SPPL3: variants seen among roughly 807,000 people sequenced by gnomAD.
SPPL3 encodes signal peptide peptidase like 3.
Under a neutral mutation model 42.4 loss-of-function variants are expected in SPPL3, and 5 were observed. The observed-to-expected ratio is 0.12, with a 90% CI of 0.06 to 0.25. The LOEUF is 0.25. Among genes scored for constraint, SPPL3 ranks in the 10% least tolerant of loss-of-function variants. The pLI, the probability that SPPL3 is intolerant of heterozygous loss-of-function variation, is 1.00. For missense variants in SPPL3, 235 were observed against 489.0 expected (o/e 0.48, Z 4.90); for synonymous variants, 195 against 181.8 (o/e 1.07, Z -0.58).
intron 1 of SPPL3, among the ~76,000 whole-genome samples, chr12:120,836,743 G>T (rs1256612181): frequency 6.6e-6 from 1 of 152,230 alleles, no homozygotes; most frequent in Non-Finnish European, 1.5e-5. Flanking sequence ...TACTTTCAGT[G>T]TTAGTTCCAT....
At chr12:120,858,024 A>T (rs1179557285) in intron 1 of SPPL3, among the ~76,000 whole-genome samples, 1 of 152,176 alleles carries the variant, frequency 6.6e-6, no homozygotes, top group Non-Finnish European at 1.5e-5. Context: ...ACAACAGGAA[A>T]GCACTGTGGT....
At position 120,768,506 on chromosome 12, in the gene SPPL3, T is replaced by C. The variant is rs773572979; in HGVS notation, c.610-18A>G. ...AAAAATACCTGCCGAGTTGGAGAGA[T>C]GCCTTTAACAGAGGGAGTTGGAAGC... On this transcript the variant is annotated intron_variant, in intron 7 of 10. Coordinates refer to ENST00000353487, the MANE Select transcript of SPPL3 (RefSeq NM_139015.5). 8 of 1,601,790 alleles carry C rather than the reference T, an allele frequency of 5.0e-6. No homozygotes were observed. The highest frequency in any genetic ancestry group is 1.7e-5 in the Admixed American group (1 of 59,272).
At chr12:120,859,669 G>C (rs1683216623) in intron 1 of SPPL3, among the ~76,000 whole-genome samples, 2 of 152,162 alleles carry the variant, frequency 1.3e-5, no homozygotes, top group Non-Finnish European at 2.9e-5. Context: ...AAAAAGTCTA[G>C]CTGGGGCCGG....
intron 9 of SPPL3, among the ~76,000 whole-genome samples, chr12:120,766,937 C>G (rs1418747181): frequency 6.6e-6 from 1 of 152,204 alleles, no homozygotes; most frequent in African/African-American, 2.4e-5. Context: ...CATGTGCGGG[C>G]AGGTTACTGC....
At chr12:120,859,306 G>T (rs767554884) in intron 1 of SPPL3, among the ~76,000 whole-genome samples, 2 of 152,062 alleles carry the variant, frequency 1.3e-5, no homozygotes, top group African/African-American at 4.8e-5. Context: ...AAAAAGTTCT[G>T]CATTTTGGAT....
intron 8 of SPPL3, 56 bp downstream of exon 8, chr12:120,768,269 C>A: frequency 1.9e-6 from 3 of 1,558,042 alleles, no homozygotes; most frequent in Non-Finnish European, 2.6e-6. Context: ...TGATCAAGGC[C>A]GGGAACAGAT....
At chr12:120,771,891 T>C in intron 6 of SPPL3, among the ~76,000 whole-genome samples, 1 of 152,232 alleles carries the variant, frequency 6.6e-6, no homozygotes, top group East Asian at 1.9e-4. Flanking sequence ...ACATACTGTG[T>C]TCTTTTCACG....
chr12:120,764,903 A>G lies in SPPL3; in HGVS notation c.*96T>C, dbSNP rs1868822772. ...ACACGGCAGTTCCTTAAACACAGGTACATTTCTGAGTACCAGGCCAGCTCT... is the reference window on the plus strand; with the variant it reads ...ACACGGCAGTTCCTTAAACACAGGTGCATTTCTGAGTACCAGGCCAGCTCT... On this transcript the variant is annotated 3_prime_UTR_variant, in exon 11 of 11. Coordinates refer to ENST00000353487, the MANE Select transcript of SPPL3 (RefSeq NM_139015.5). The G allele has an allele frequency of 1.5e-6, 2 of 1,343,928 alleles. No individual in the cohort carries two copies. The highest frequency in any genetic ancestry group is 2.1e-6 in the Non-Finnish European group (2 of 971,970). 83.3% of individuals were successfully genotyped at this position (1,343,928 alleles called of 1,614,324 possible).
chr12:120,807,458 G>A (rs192649996), intron 2 of SPPL3, among the ~76,000 whole-genome samples: 24 of 152,106 alleles, frequency 1.6e-4, no homozygotes, highest in African/African-American at 3.6e-4. Context: ...GGCAGATCAC[G>A]AGGTCAGGAG....
At chr12:120,857,378 A>C (rs1256948066) in intron 1 of SPPL3, among the ~76,000 whole-genome samples, 1 of 152,204 alleles carries the variant, frequency 6.6e-6, no homozygotes, top group Non-Finnish European at 1.5e-5. Context: ...TGTTGGTGGG[A>C]ATGTAAATTA....
intron 1 of SPPL3, among the ~76,000 whole-genome samples, chr12:120,841,070 A>T (rs2137025894): frequency 6.6e-6 from 1 of 152,226 alleles, no homozygotes; most frequent in Non-Finnish European, 1.5e-5. Context: ...TCATACCTAT[A>T]ATCCCAGCAC....
rs554405910 is a variant in SPPL3, at chr12:120,883,300, C to T, written c.23+20545G>A. Among the ~76,000 whole-genome samples, 175 of 152,146 alleles carry T rather than the reference C, an allele frequency of 1.2e-3. 1 individual carries two copies. The highest frequency in any genetic ancestry group is 3.9e-3 in the African/African-American group (160 of 41,508). On this transcript the variant is annotated intron_variant, in intron 1 of 10. Coordinates refer to ENST00000353487, the MANE Select transcript of SPPL3 (RefSeq NM_139015.5). ...AGCCTGGGCGACAGAGCAAGACTCC[C>T]GTCTCAAAAAACAAACAAACAAACA... is the stretch of plus-strand genomic sequence containing the variant.
chr12:120,879,315 G>T (rs1873211668), intron 1 of SPPL3, among the ~76,000 whole-genome samples: 1 of 151,934 alleles, frequency 6.6e-6, no homozygotes, highest in African/African-American at 2.4e-5. Flanking sequence ...TCCAAAAGCT[G>T]CACACCTGGT....
chr12:120,879,113 C>CAA (rs63543261), intron 1 of SPPL3, among the ~76,000 whole-genome samples: 24,984 of 64,526 alleles, frequency 0.39, 5,038 homozygotes, highest in Middle Eastern at 0.51. Flanking sequence ...AACTCTGTCT[C>CAA]AAAAAAAAAA....
At chr12:120,772,297 C>T (rs1411882201) in intron 6 of SPPL3, among the ~76,000 whole-genome samples, 2 of 152,210 alleles carry the variant, frequency 1.3e-5, no homozygotes, top group Non-Finnish European at 2.9e-5. Context: ...GCTGGGATTA[C>T]AGGCATGAGC....
Position 120,899,888 on chromosome 12 carries a change from C to CAAAA in SPPL3, c.23+3953_23+3956dup, listed in dbSNP as rs34814522. 2.9e-3 allele frequency among the ~76,000 whole-genome samples: 204 copies of CAAAA among 71,066 alleles called. 2 individuals carry two copies. Among genetic ancestry groups the CAAAA allele is most frequent in the African/African-American group, 3.7e-3 (58 of 15,734 alleles). The allele number at this position is 71,066 out of a possible 152,430, so 46.6% of individuals were successfully genotyped here. On this transcript the variant is annotated intron_variant, in intron 1 of 10. Transcript: ENST00000353487. ...TGGGCGACAGAGCAAGACCCTGTCT[C>CAAAA]AAAAAAAAAAAAAAAAAAAAAAGAT... is the stretch of plus-strand genomic sequence containing the variant.
chr12:120,765,268 T>C (rs1453665613), intron 10 of SPPL3, among the ~76,000 whole-genome samples, 198 bp from the exon 11 acceptor site: 1 of 149,000 alleles, frequency 6.7e-6, no homozygotes, highest in South Asian at 2.1e-4. Context: ...CATGAGCTGC[T>C]GCGCTTGGCC....
chr12:120,794,227 A>G (rs937662440), intron 2 of SPPL3, among the ~76,000 whole-genome samples: 5 of 152,110 alleles, frequency 3.3e-5, no homozygotes, highest in African/African-American at 1.2e-4. Context: ...CTTTCTGTAG[A>G]TGAGTATAAG....
At position 120,864,658 on chromosome 12, in the gene SPPL3, T is replaced by C. The variant is rs76127812; in HGVS notation, c.23+39187A>G. On this transcript the variant is annotated intron_variant, in intron 1 of 10. Transcript: ENST00000353487. ...CCAAATACTCAAAGCTGAATAACCATAGTTTATTAGTTATTCTTAAAAGTA... is the reference window on the plus strand; with the variant it reads ...CCAAATACTCAAAGCTGAATAACCACAGTTTATTAGTTATTCTTAAAAGTA... Among the ~76,000 whole-genome samples, 894 of 152,310 alleles carry C rather than the reference T, an allele frequency of 5.9e-3. 6 individuals are homozygous for C. The highest frequency in any genetic ancestry group is 0.013 in the South Asian group (65 of 4,828).
Sources: gnomAD v4.1 joint callset for allele counts (sites outside exome capture counted in the v4.1 genomes callset) on GRCh38, gnomAD v4.1.1 for gene constraint, MANE v1.5 for transcripts, NCBI Gene and HGNC (gene_info 2026-07-23, HGNC 2026-07-21) for gene names.